The following DLC1 variants were observed in gnomAD, a reference collection of about 807,000 sequenced individuals.
DLC1 encodes the protein DLC1 Rho GTPase activating protein.
DLC1 carries 54 observed loss-of-function variants against 140.3 expected under a neutral mutation model. That is an observed-to-expected ratio of 0.38 (90% CI 0.31 to 0.48). The LOEUF (loss-of-function observed/expected upper bound fraction) is 0.48, where lower values mean the gene tolerates loss of function less well. Ranked by LOEUF, DLC1 falls within the 20% of genes least tolerant of loss-of-function variation. DLC1 has a pLI of 0.96. For synonymous variants in DLC1, 986 were observed against 728.1 expected (o/e 1.35, Z -5.70); for missense variants, 2,536 against 1,907.0 (o/e 1.33, Z -6.14).
At chr8:13,093,807 G>A (rs1413904443) in intron 12 of DLC1, among the ~76,000 whole-genome samples, 2 of 152,158 alleles carry the variant, frequency 1.3e-5, no homozygotes, top group African/African-American at 2.4e-5. Flanking sequence ...CAATTTGAGC[G>A]CTAAGAGAGG....
At chr8:13,506,053 A>ATG (rs201518774) in intron 1 of DLC1, among the ~76,000 whole-genome samples, 25 of 144,076 alleles carry the variant, frequency 1.7e-4, no homozygotes, top group Non-Finnish European at 3.8e-4. Flanking sequence ...TGATACATAT[A>ATG]TGTGTGTGTG....
At chr8:13,391,739 C>T (rs1382841488) in intron 4 of DLC1, among the ~76,000 whole-genome samples, 1 of 152,124 alleles carries the variant, frequency 6.6e-6, no homozygotes, top group Non-Finnish European at 1.5e-5. Context: ...ATGAGACACT[C>T]AGTCACTGAA....
At chr8:13,420,312 G>A (rs1171332665) in intron 2 of DLC1, among the ~76,000 whole-genome samples, 2 of 152,194 alleles carry the variant, frequency 1.3e-5, no homozygotes, top group East Asian at 3.9e-4. Flanking sequence ...CCTCATAATA[G>A]CATGAAAGGA....
At position 13,406,183 on chromosome 8, in the gene DLC1, T is replaced by G. The variant is rs867065274; in HGVS notation, c.1024-4564A>C. On this transcript the variant is annotated intron_variant, in intron 2 of 17. Transcript: ENST00000276297. ...CACCATCCCCAGCTAATTTTTGTGT[T>G]TTTTTTTTTTTTTTTCAGTGGAGAC... Among the ~76,000 whole-genome samples the G allele has an allele frequency of 7.3e-3, 920 of 125,716 alleles. 20 individuals are homozygous for G. Among genetic ancestry groups the G allele is most frequent in the African/African-American group, 0.025 (796 of 32,438 alleles). 82.5% of individuals were successfully genotyped at this position (125,716 alleles called of 152,430 possible).
intron 2 of DLC1, among the ~76,000 whole-genome samples, chr8:13,460,577 G>C (rs1486053970): frequency 6.6e-6 from 1 of 152,210 alleles, no homozygotes. Flanking sequence ...AAGGGTATGA[G>C]AGTGAAGCTG....
chr8:13,288,896 G>A (rs1319135077), intron 5 of DLC1, among the ~76,000 whole-genome samples: 1 of 152,168 alleles, frequency 6.6e-6, no homozygotes, highest in African/African-American at 2.4e-5. Context: ...TAAAGGTTGT[G>A]GACTTAACCA....
intron 2 of DLC1, among the ~76,000 whole-genome samples, chr8:13,477,199 T>C (rs144255232): frequency 6.9e-4 from 68 of 98,392 alleles, no homozygotes; most frequent in African/African-American, 2.0e-3. Context: ...AGGTTTATTC[T>C]CAAACAAGAT....
intron 4 of DLC1, among the ~76,000 whole-genome samples, chr8:13,316,703 C>T (rs191789588): frequency 4.5e-4 from 68 of 152,162 alleles, no homozygotes; most frequent in African/African-American, 1.6e-3. Flanking sequence ...TTTCTTAGGG[C>T]AGCTGAGTTT....
chr8:13,441,013 A>G (rs1361360446), intron 2 of DLC1, among the ~76,000 whole-genome samples: 1 of 152,110 alleles, frequency 6.6e-6, no homozygotes, highest in East Asian at 1.9e-4. Context: ...TTTAATAATG[A>G]TATGTGATTT....
At chr8:13,553,651 C>A (rs1049842767) in intron 1 of DLC1, among the ~76,000 whole-genome samples, 4 of 151,854 alleles carry the variant, frequency 2.6e-5, no homozygotes, top group Non-Finnish European at 5.9e-5. Flanking sequence ...CTGCTCTCAG[C>A]CTCTCCATTT....
At chr8:13,504,802 A>G (rs115567607) in intron 1 of DLC1, among the ~76,000 whole-genome samples, 193 of 152,244 alleles carry the variant, frequency 1.3e-3, no homozygotes, top group African/African-American at 4.1e-3. Context: ...CTCAAAAGCT[A>G]CTGGAGAGAT....
chr8:13,481,647 T>C (rs1051772059), intron 2 of DLC1, among the ~76,000 whole-genome samples: 2 of 152,216 alleles, frequency 1.3e-5, no homozygotes, highest in African/African-American at 2.4e-5. Flanking sequence ...TGTACTGTTA[T>C]ATGAAACTGT....
chr8:13,281,066 G>A (rs1185112273), intron 5 of DLC1, among the ~76,000 whole-genome samples: 3 of 152,208 alleles, frequency 2.0e-5, no homozygotes, highest in African/African-American at 7.2e-5. Context: ...TGAAGACTCT[G>A]TAACTCTGAA....
At chr8:13,411,760 G>A (rs966984590) in intron 2 of DLC1, among the ~76,000 whole-genome samples, 1 of 151,954 alleles carries the variant, frequency 6.6e-6, no homozygotes, top group Non-Finnish European at 1.5e-5. Context: ...TTTTTAGTGT[G>A]GATATCTTTA....
chr8:13,579,352 T>C (rs1452683623), intron 1 of DLC1, among the ~76,000 whole-genome samples: 1 of 31,506 alleles, frequency 3.2e-5, no homozygotes, highest in African/African-American at 1.4e-4. Flanking sequence ...TATATATATA[T>C]ATATATATAT....
chr8:13,335,784 G>A (rs1463738360), intron 4 of DLC1, among the ~76,000 whole-genome samples: 3 of 152,044 alleles, frequency 2.0e-5, no homozygotes, highest in African/African-American at 4.8e-5. Flanking sequence ...TATATAGCAT[G>A]GGTATATAAA....
chr8:13,463,890 A>C (rs77079215), intron 2 of DLC1, among the ~76,000 whole-genome samples: 9,819 of 152,270 alleles, frequency 0.064, 546 homozygotes, highest in African/African-American at 0.15. Context: ...AAGAGCCAGA[A>C]GGAAAAATGG....
chr8:13,274,332 G>T (rs921352513), intron 5 of DLC1, among the ~76,000 whole-genome samples: 9 of 152,142 alleles, frequency 5.9e-5, no homozygotes, highest in Non-Finnish European at 1.0e-4. Flanking sequence ...AAAGTCAGTT[G>T]TCATAGCCAA....
intron 5 of DLC1, among the ~76,000 whole-genome samples, chr8:13,193,232 T>G (rs1427752629): frequency 6.6e-6 from 1 of 152,202 alleles, no homozygotes. Context: ...TTGTGTTAGT[T>G]TGACTTTTCA....
Sources: allele counts gnomAD v4.1 joint callset (sites outside exome capture counted in the v4.1 genomes callset), GRCh38; gene constraint gnomAD v4.1.1; transcripts MANE v1.5; gene names NCBI Gene and HGNC (gene_info 2026-07-23, HGNC 2026-07-21).